Variants in ZNF226 observed in about 807,000 individuals in gnomAD.
ZNF226 encodes the protein Kruppel-associated box protein.
Under a neutral mutation model 11.4 loss-of-function variants are expected in ZNF226, and 6 were observed. The ratio of observed to expected loss-of-function variants is 0.53; its 90% CI spans 0.29 to 1.04. The LOEUF (loss-of-function observed/expected upper bound fraction) is 1.04. ZNF226 is among the 50% of genes least tolerant of loss of function. The pLI is 0.08. For missense variants in ZNF226, 1,058 were observed against 956.5 expected (o/e 1.11, Z -1.40); for synonymous variants, 350 against 322.8 (o/e 1.08, Z -0.90).
Position 44,172,198 on chromosome 19 carries a change from G to A in ZNF226, c.126G>A (p.Arg42=), listed in dbSNP as rs1970179599. ...GAGATGTGATGGTGGAGAACTTTAG[G>A]AACCTGCTGTCAGTGGGTGAGGACA... ...LYRDVMVENF[R]NLLSVGHPPF... The change falls in exon 4 of 6, where the codon AGG becomes AGA. Residue 42 remains arginine (R), a synonymous_variant. Transcript: ENST00000337433. 6.8e-6 allele frequency: 11 copies of A among 1,611,990 alleles called. No homozygotes were observed. The highest frequency in any genetic ancestry group is 9.3e-6 in the Non-Finnish European group (11 of 1,178,656).
At chr19:44,190,176 G>T in the ZNF226 span, among the ~76,000 whole-genome samples, 2 of 151,992 alleles carry the variant, frequency 1.3e-5, no homozygotes, top group Non-Finnish European at 2.9e-5. Flanking sequence ...CAGTAAGACT[G>T]ATTTGTTTGT....
At position 44,176,643 on chromosome 19, in the gene ZNF226, A is replaced by G. The variant is rs1447483055; in HGVS notation, c.1381A>G (p.Ser461Gly). Residue 461 changes from serine (S) to glycine (G), a missense_variant, in exon 6 of 6, where the codon AGT becomes GGT. Coordinates refer to ENST00000337433, the MANE Select transcript of ZNF226 (RefSeq NM_001032373.2). Reference protein sequence around the residue: ...ECGKGFSRPSSLQAHQGVHTG... With the variant: ...ECGKGFSRPSGLQAHQGVHTG... ...TGGTAAAGGCTTTAGTCGGCCTTCA[A>G]GTCTTCAGGCCCATCAGGGAGTTCA... is the stretch of plus-strand genomic sequence containing the variant. 7 of 1,613,536 alleles carry G rather than the reference A, an allele frequency of 4.3e-6. No homozygotes were observed. The highest frequency in any genetic ancestry group is 1.3e-5 in the African/African-American group (1 of 74,746).
At chr19:44,174,968 T>A (rs1255777241) in intron 5 of ZNF226, 6 of 1,609,828 alleles carry the variant, frequency 3.7e-6, no homozygotes, top group Non-Finnish European at 5.1e-6. Flanking sequence ...ACTTTCTAGT[T>A]CTTTTTGTAT....
At position 44,176,248 on chromosome 19, in the gene ZNF226, A is replaced by C; in HGVS notation, c.986A>C (p.His329Pro). 6.2e-7 allele frequency: 1 copy of C among 1,614,216 alleles called. No individual in the cohort carries two copies. The highest frequency in any genetic ancestry group is 2.2e-5 in the East Asian group (1 of 44,880). ...GAHLQTHQKV[H>P]VIEKPYKCKQ... is the part of the protein sequence containing the mutation. ...CATCTACAGACCCATCAGAAAGTCC[A>C]CGTGATAGAGAAACCATACAAATGT... is the stretch of plus-strand genomic sequence containing the variant. Residue 329 changes from histidine (H) to proline (P), a missense_variant, in exon 6 of 6, where the codon CAC (histidine) becomes CCC (proline). His to Pro is a moderately conservative substitution (Grantham distance 77). Coordinates refer to ENST00000337433, the MANE Select transcript of ZNF226 (RefSeq NM_001032373.2).
chr19:44,184,575 C>T, the ZNF226 span, among the ~76,000 whole-genome samples: 1 of 116,106 alleles, frequency 8.6e-6, no homozygotes, highest in South Asian at 3.8e-4. Context: ...GAGCGAGACT[C>T]CATTAAAAAA....
At chr19:44,165,175 G>C (rs1969203228) in intron 1 of ZNF226, 33 bp downstream of exon 1, 1 of 152,272 alleles carries the variant, frequency 6.6e-6, no homozygotes, top group Admixed American at 6.5e-5. Context: ...AAACTTCCCC[G>C]AAATGCACTT....
In ZNF226 at chr19:44,177,176, T is replaced by A. The variant is rs1568574348; in HGVS notation, c.1914T>A (p.Ser638Arg). 2 of 1,611,336 alleles carry A rather than the reference T, an allele frequency of 1.2e-6. No homozygotes were observed. The highest frequency in any genetic ancestry group is 1.7e-6 in the Non-Finnish European group (2 of 1,179,336). Residue 638 changes from serine to arginine, a missense_variant, in exon 6 of 6, where the codon AGT becomes AGA. Ser to Arg is a moderately radical substitution (Grantham distance 110). Transcript: ENST00000337433. ...SNLLAHQRVH[S>R]GEKPFKCEEC... ...TTTTGGCCCATCAGAGAGTCCACAG[T>A]GGAGAAAAACCATTCAAATGTGAAG...
chr19:44,176,808 TC>T lies in ZNF226; in HGVS notation c.1549del (p.His517IlefsTer6). 1 of 1,613,552 alleles carries T rather than the reference TC, an allele frequency of 6.2e-7. No individual in the cohort carries two copies. The highest frequency in any genetic ancestry group is 2.2e-5 in the East Asian group (1 of 44,786). On this transcript the variant is annotated frameshift_variant, in exon 6 of 6. Transcript: ENST00000337433. LOFTEE classifies it low-confidence loss of function (END_TRUNC). Reference sequence around the variant, plus strand: ...GTGTGGGAAGAGCTTCAGGAGGAATTCCCATTATCAAGTTCATCTAGTGGTC... The same window carrying T: ...GTGTGGGAAGAGCTTCAGGAGGAATTCCATTATCAAGTTCATCTAGTGGTC... ...NECGKSFRRN[S>X]HYQVHLVVHT...
chr19:44,198,619 T>C, the ZNF226 span, among the ~76,000 whole-genome samples: 5 of 152,098 alleles, frequency 3.3e-5, no homozygotes, highest in African/African-American at 1.2e-4. Context: ...AAGACCCCTA[T>C]TGTTGTGTTT....
chr19:44,178,859 T>C (rs1288550315), downstream of ZNF226, among the ~76,000 whole-genome samples: 3 of 152,198 alleles, frequency 2.0e-5, no homozygotes, highest in African/African-American at 7.2e-5. Flanking sequence ...CCAAATTTTA[T>C]GACAGAAGAG....
intron 5 of ZNF226, chr19:44,175,230 A>T (rs1037365156): frequency 1.5e-5 from 21 of 1,400,362 alleles, no homozygotes; most frequent in Non-Finnish European, 1.9e-5. Context: ...AAAGACATGG[A>T]ATAAAAAATT....
chr19:44,196,294 T>C, the ZNF226 span, among the ~76,000 whole-genome samples: 15 of 152,328 alleles, frequency 9.8e-5, no homozygotes, highest in East Asian at 2.1e-3. Context: ...TTCTTCAAGA[T>C]TTTTCTCTAG....
chr19:44,169,705 C>T (rs187797189), intron 2 of ZNF226: 78 of 181,484 alleles, frequency 4.3e-4, no homozygotes, highest in Admixed American at 1.1e-3. Flanking sequence ...CCCAAGGTGA[C>T]GCTTTTAGTG....
chr19:44,181,873 C>G (rs551167619), downstream of ZNF226, among the ~76,000 whole-genome samples: 3 of 152,136 alleles, frequency 2.0e-5, no homozygotes, highest in Admixed American at 1.3e-4. Context: ...TAATGAAACT[C>G]GGGTCTTCAC....
In ZNF226 at chr19:44,177,346, G is replaced by T. The variant is rs1295027822; in HGVS notation, c.2084G>T (p.Gly695Val). Residue 695 changes from glycine (G) to valine (V), a missense_variant, in exon 6 of 6, where the codon GGA (glycine) becomes GTA (valine). Coordinates refer to ENST00000337433, the MANE Select transcript of ZNF226 (RefSeq NM_001032373.2). ...GACATGCATCAGAGGGTGCACACAG[G>T]AGAAAAACCATATAAATGTGGGGAG... is the stretch of plus-strand genomic sequence containing the variant. ...NLDMHQRVHT[G>V]EKPYKCGECG... 6.8e-6 allele frequency: 11 copies of T among 1,613,974 alleles called. No homozygotes were observed. Among genetic ancestry groups the T allele is most frequent in the Non-Finnish European group, 9.3e-6 (11 of 1,180,028 alleles).
the ZNF226 span, among the ~76,000 whole-genome samples, chr19:44,195,106 C>A: frequency 6.6e-6 from 1 of 152,192 alleles, no homozygotes; most frequent in Non-Finnish European, 1.5e-5. Flanking sequence ...AACCAGAGTA[C>A]TCTCCAAAAG....
the ZNF226 span, among the ~76,000 whole-genome samples, chr19:44,183,799 A>G: frequency 6.6e-6 from 1 of 152,228 alleles, no homozygotes; most frequent in Admixed American, 6.5e-5. Flanking sequence ...CACCTGATAT[A>G]GAGAGCCACC....
rs117346526 is a variant in ZNF226, at chr19:44,171,071, G to A, written c.15+976G>A. Among the ~76,000 whole-genome samples, 954 of 152,030 alleles carry A rather than the reference G, an allele frequency of 6.3e-3. 6 individuals carry two copies. The highest frequency in any genetic ancestry group is 0.013 in the Admixed American group (193 of 15,280). ...TTTGTTGTATTTCTATCAAATTTAT[G>A]TATCCAGTTTTTAAACTATTCTCTA... On this transcript the variant is annotated intron_variant, in intron 3 of 5. Coordinates refer to ENST00000337433, the MANE Select transcript of ZNF226 (RefSeq NM_001032373.2).
At chr19:44,182,100 T>C (rs1315069113), downstream of ZNF226, among the ~76,000 whole-genome samples, 2 of 152,190 alleles carry the variant, frequency 1.3e-5, no homozygotes, top group Non-Finnish European at 2.9e-5. Context: ...ACTGTTAGCT[T>C]GAGCACCTGG....
Sources: allele counts gnomAD v4.1 joint callset (sites outside exome capture counted in the v4.1 genomes callset), GRCh38; gene constraint gnomAD v4.1.1; transcripts MANE v1.5; gene names NCBI Gene and HGNC (gene_info 2026-07-23, HGNC 2026-07-21).